KMT2C: variants seen among roughly 807,000 people sequenced by gnomAD.
KMT2C encodes the protein lysine methyltransferase 2C.
In KMT2C, 88 loss-of-function variants were observed where a neutral mutation model predicts 507.9. That is an observed-to-expected ratio of 0.17 (90% confidence interval 0.15 to 0.21). KMT2C has a LOEUF of 0.21. Among genes scored for constraint, KMT2C ranks in the 10% least tolerant of loss-of-function variants. KMT2C has a pLI of 1.00. For missense variants in KMT2C, 4,954 were observed against 5,957.8 expected (o/e 0.83, Z 5.55); for synonymous variants, 2,049 against 2,080.8 (o/e 0.98, Z 0.42).
chr7:152,302,590 G>A (rs1249204935), intron 6 of KMT2C, among the ~76,000 whole-genome samples: 1 of 151,844 alleles, frequency 6.6e-6, no homozygotes, highest in African/African-American at 2.4e-5. Context: ...TCTTTTTGGG[G>A]GGCAATACTG....
At chr7:152,208,518 A>G (rs1333428424) in intron 23 of KMT2C, among the ~76,000 whole-genome samples, 1 of 152,210 alleles carries the variant, frequency 6.6e-6, no homozygotes, top group East Asian at 1.9e-4. Context: ...TTAGTAACAG[A>G]TGTATTGTTA....
chr7:152,412,623 C>A (rs921375812), intron 1 of KMT2C, among the ~76,000 whole-genome samples: 2 of 152,138 alleles, frequency 1.3e-5, no homozygotes, highest in Non-Finnish European at 2.9e-5. Flanking sequence ...CTACTCCTGA[C>A]ACCAAACAAC....
At chr7:152,335,947 G>C (rs536724826) in intron 2 of KMT2C, among the ~76,000 whole-genome samples, 1 of 151,134 alleles carries the variant, frequency 6.6e-6, no homozygotes, top group Non-Finnish European at 1.5e-5. Flanking sequence ...AAATAGGATC[G>C]GCACCAGATC....
rs759264240 is a variant in KMT2C, at chr7:152,145,314, G to T, written c.14032-19C>A. The T allele has an allele frequency of 3.1e-6, 5 of 1,612,190 alleles. No individual in the cohort carries two copies. In the South Asian group the frequency reaches 5.5e-5, roughly 18 times the overall value. On this transcript the variant is annotated intron_variant, in intron 53 of 58. Coordinates refer to ENST00000262189, the MANE Select transcript of KMT2C (RefSeq NM_170606.3). ...CAGGAAGCTGAAAAGAAGCAAAGCA[G>T]ACACAAAGTCACCCCATCTGATGGA...
chr7:152,427,017 T>C (rs2097825802), intron 1 of KMT2C, among the ~76,000 whole-genome samples: 1 of 150,744 alleles, frequency 6.6e-6, no homozygotes, highest in Non-Finnish European at 1.5e-5. Flanking sequence ...TTTTTTGTTT[T>C]GTTTTGTTTT....
chr7:152,340,709 G>A (rs2096983478), intron 2 of KMT2C, among the ~76,000 whole-genome samples: 1 of 152,040 alleles, frequency 6.6e-6, no homozygotes, highest in South Asian at 2.1e-4. Context: ...ACTTTTACAG[G>A]TGACTTACTC....
intron 23 of KMT2C, among the ~76,000 whole-genome samples, chr7:152,213,544 T>A (rs540624416): frequency 6.6e-5 from 10 of 152,178 alleles, no homozygotes; most frequent in Admixed American, 2.0e-4. Flanking sequence ...GATGCCTATC[T>A]TACACATCAT....
At chr7:152,175,322 A>AT (rs936020356) in intron 38 of KMT2C, among the ~76,000 whole-genome samples, 41 of 150,330 alleles carry the variant, frequency 2.7e-4, no homozygotes, top group African/African-American at 4.4e-4. Flanking sequence ...ATTTTTTGTT[A>AT]TTTTTTTTTA....
chr7:152,179,670 GGGGGT>G (rs377192874), intron 37 of KMT2C, among the ~76,000 whole-genome samples, 159 bp downstream of exon 37: 2 of 141,912 alleles, frequency 1.4e-5, no homozygotes, highest in African/African-American at 5.1e-5. Flanking sequence ...GGGGGGGGGG[GGGGGT>G]GGTCTCACTA....
At chr7:152,351,648 T>C (rs1297514309) in intron 2 of KMT2C, among the ~76,000 whole-genome samples, 2 of 152,144 alleles carry the variant, frequency 1.3e-5, no homozygotes, top group Non-Finnish European at 2.9e-5. Context: ...AAGAAATAAA[T>C]TGTGAAGATT....
chr7:152,167,368 C>T lies in KMT2C; in HGVS notation c.9528G>A (p.Gln3176=). 1 of 1,605,516 alleles carries T rather than the reference C, an allele frequency of 6.2e-7. No homozygotes were observed. The highest frequency in any genetic ancestry group is 8.5e-7 in the Non-Finnish European group (1 of 1,173,450). Reference sequence around the variant, plus strand: ...GGAGCCACTCTTCATACTGCTTACGCTGTGAATCATCTGAGGAAAAATTAA... The same window carrying T: ...GGAGCCACTCTTCATACTGCTTACGTTGTGAATCATCTGAGGAAAAATTAA... ...NFGPGFVNDS[Q]RKQYEEWLQE... is the part of the protein sequence containing the mutation. Residue 3176 remains glutamine (Q), a synonymous_variant, in exon 42 of 59, where the codon CAG becomes CAA. Coordinates refer to ENST00000262189, the MANE Select transcript of KMT2C (RefSeq NM_170606.3).
At chr7:152,259,096 T>C (rs1343074839) in intron 9 of KMT2C, among the ~76,000 whole-genome samples, 5 of 151,674 alleles carry the variant, frequency 3.3e-5, no homozygotes, top group Non-Finnish European at 5.9e-5. Context: ...AAAGACAAAA[T>C]GGGGAAATTT....
chr7:152,367,056 A>T, intron 1 of KMT2C: 3 of 665,954 alleles, frequency 4.5e-6, no homozygotes, highest in Non-Finnish European at 7.7e-6. Flanking sequence ...TCTTTCTTGA[A>T]GAAATCTGTA....
chr7:152,143,197 G>C (rs967693914), intron 55 of KMT2C, among the ~76,000 whole-genome samples: 2 of 152,210 alleles, frequency 1.3e-5, no homozygotes, highest in Non-Finnish European at 2.9e-5. Flanking sequence ...CACAGAATCC[G>C]AGAGAGGCTC....
At chr7:152,354,621 G>A (rs951713674) in intron 2 of KMT2C, among the ~76,000 whole-genome samples, 3 of 152,210 alleles carry the variant, frequency 2.0e-5, no homozygotes, top group African/African-American at 4.8e-5. Flanking sequence ...TAACTGAGTA[G>A]AGACTTGACT....
chr7:152,139,209 C>T lies in KMT2C; in HGVS notation c.14511G>A (p.Ala4837=), dbSNP rs371708093. ...ACCTTGCGGGCCCTCCTGTGAGCGT[C>T]GCGTCAATCACATGGTCGTTATCCA... is the stretch of plus-strand genomic sequence containing the variant. The part of the protein sequence containing the change: ...FRMDNDHVID[A]TLTGGPARYI... The change falls in exon 57 of 59, where the codon GCG becomes GCA. Residue 4837 remains alanine (A), a synonymous_variant. Transcript: ENST00000262189. The T allele has an allele frequency of 8.7e-6, 14 of 1,613,896 alleles. No homozygotes were observed. In the Admixed American group the frequency reaches 1.8e-4, roughly 21 times the overall value.
intron 2 of KMT2C, among the ~76,000 whole-genome samples, chr7:152,357,668 G>T (rs769575001): frequency 9.2e-5 from 14 of 152,048 alleles, no homozygotes; most frequent in Admixed American, 2.0e-4. Context: ...AGTAATTCAT[G>T]AATGTGCACA....
At chr7:152,395,884 G>T (rs2116578908) in intron 1 of KMT2C, among the ~76,000 whole-genome samples, 1 of 152,260 alleles carries the variant, frequency 6.6e-6, no homozygotes, top group African/African-American at 2.4e-5. Flanking sequence ...AGATAGGACT[G>T]CCCACTCTTA....
chr7:152,259,446 G>GCGCGCGCACACACACACA (rs1188729137), intron 9 of KMT2C, among the ~76,000 whole-genome samples: 1 of 134,688 alleles, frequency 7.4e-6, no homozygotes, highest in African/African-American at 2.8e-5. Flanking sequence ...ACACACACGC[G>GCGCGCGCACACACACACA]CACACACACA....
Sources: allele counts gnomAD v4.1 joint callset (sites outside exome capture counted in the v4.1 genomes callset), GRCh38; gene constraint gnomAD v4.1.1; transcripts MANE v1.5; gene names NCBI Gene and HGNC (gene_info 2026-07-23, HGNC 2026-07-21).